USP2: variants seen among roughly 807,000 people sequenced by gnomAD.
The protein encoded by USP2 is ubiquitin carboxyl-terminal hydrolase 2.
In USP2, 33 loss-of-function variants were observed where a neutral mutation model predicts 72.0. The observed-to-expected ratio is 0.46, with a 90% CI of 0.35 to 0.61. The LOEUF is 0.61. Among genes scored for constraint, USP2 ranks in the 20% least tolerant of loss-of-function variants. The pLI, the probability that USP2 is intolerant of heterozygous loss-of-function variation, is 0.01. For synonymous variants in USP2, 296 were observed against 312.5 expected (o/e 0.95, Z 0.56); for missense variants, 691 against 797.8 (o/e 0.87, Z 1.61).
chr11:119,369,794 C>T (rs917002343), intron 2 of USP2, among the ~76,000 whole-genome samples: 25 of 152,146 alleles, frequency 1.6e-4, no homozygotes, highest in Admixed American at 1.4e-3. Context: ...TGGTCACGAG[C>T]AGCCCGTCCC....
intron 1 of USP2, chr11:119,379,328 C>A: frequency 2.1e-6 from 2 of 954,596 alleles, no homozygotes; most frequent in Non-Finnish European, 2.5e-6. Flanking sequence ...GGGGAACAAT[C>A]GGGAGATTCA....
chr11:119,372,724 G>C lies in USP2; in HGVS notation c.757C>G (p.Pro253Ala). 6.6e-7 allele frequency: 1 copy of C among 1,522,530 alleles called. No homozygotes were observed. 94.3% of individuals were successfully genotyped at this position (1,522,530 alleles called of 1,614,324 possible). A position where few individuals can be genotyped will look rare whatever the true frequency, so the allele number is the denominator to read the frequency against. The change falls in exon 2 of 13, where the codon CCG (proline) becomes GCG (alanine). Residue 253 changes from proline to alanine, a missense_variant. By Grantham distance (27) the Pro-to-Ala change is conservative. Transcript: ENST00000260187. ...QAPGPSRSSS[P>A]GRDGMNSKSA... ...AAACTCACCATGCCGTCTCTTCCCGGGGAGCTGGAGCGGCTGGGCCCAGGG... is the reference window on the plus strand; with the variant it reads ...AAACTCACCATGCCGTCTCTTCCCGCGGAGCTGGAGCGGCTGGGCCCAGGG...
chr11:119,358,620 C>G, intron 7 of USP2, 153 bp downstream of exon 7: 1 of 969,634 alleles, frequency 1.0e-6, no homozygotes, highest in Non-Finnish European at 1.6e-6. Context: ...CCGGCCTGCA[C>G]AGCATCTTCT....
intron 2 of USP2, among the ~76,000 whole-genome samples, chr11:119,367,694 T>C (rs1183354247): frequency 2.6e-5 from 4 of 152,198 alleles, no homozygotes; most frequent in African/African-American, 9.7e-5. Flanking sequence ...CCAGGCAGTC[T>C]GGCCTGAACC....
At position 119,372,828 on chromosome 11, in the gene USP2, G is replaced by T; in HGVS notation, c.653C>A (p.Ser218Ter). The change falls in exon 2 of 13, where the codon TCA (serine) becomes TAA (stop). Residue 218 changes from serine to a stop codon, truncating the protein, a stop_gained. Transcript: ENST00000260187. LOFTEE classifies it high-confidence loss of function. ...ASQVPSQAPPSRVPEIISPTY... is the reference protein window; with the variant it reads ...ASQVPSQAPP ...TGGGCTGATGATTTCAGGGACTCGT[G>T]AGGGAGGGGCCTGGGAGGGCACCTG... The T allele has an allele frequency of 6.2e-7, 1 of 1,608,196 alleles. No homozygotes were observed. The highest frequency in any genetic ancestry group is 1.7e-5 in the Admixed American group (1 of 59,376).
intron 10 of USP2, 23 bp from the exon 11 acceptor site, chr11:119,357,613 A>G (rs374005377): frequency 1.9e-6 from 3 of 1,614,148 alleles, no homozygotes; most frequent in Non-Finnish European, 2.5e-6. Context: ...TGAGTCAAGG[A>G]TAGTCAAACC....
chr11:119,366,692 C>T (rs1950857351), intron 2 of USP2, among the ~76,000 whole-genome samples: 1 of 152,162 alleles, frequency 6.6e-6, no homozygotes, highest in Non-Finnish European at 1.5e-5. Context: ...GGGAGTCACA[C>T]TAAGCCTCAG....
Position 119,357,844 on chromosome 11 carries a change from C to A in USP2, c.1423-9G>T. ...CGGCAGCGACAGCATGTCTGAGAGA[C>A]AAGACAAACAGAAAGAACTTGTGGG... On this transcript the variant is annotated splice_polypyrimidine_tract_variant and intron_variant, in intron 9 of 12. Coordinates refer to ENST00000260187, the MANE Select transcript of USP2 (RefSeq NM_004205.5). The A allele has an allele frequency of 6.2e-7, 1 of 1,604,742 alleles. No homozygotes were observed. Among genetic ancestry groups the A allele is most frequent in the Non-Finnish European group, 8.5e-7 (1 of 1,171,462 alleles).
chr11:119,358,791 C>T lies in USP2; in HGVS notation c.1219G>A (p.Glu407Lys). 6.2e-7 allele frequency: 1 copy of T among 1,614,108 alleles called. No homozygotes were observed. Among genetic ancestry groups the T allele is most frequent in the Non-Finnish European group, 8.5e-7 (1 of 1,180,036 alleles). The change falls in exon 7 of 13, where the codon GAA (glutamate) becomes AAA (lysine). Residue 407 changes from glutamate (E) to lysine (K), a missense_variant. Glu to Lys is a moderately conservative substitution (Grantham distance 56). Coordinates refer to ENST00000260187, the MANE Select transcript of USP2 (RefSeq NM_004205.5). The stretch of plus-strand genomic sequence containing the variant: ...CGCTTACCCCCGATCCTACTGTCTT[C>T]CCGTTCTAGATATTTTCTCCACATC... ...RQMWRKYLEREDSRIGDLFVG... is the reference protein window; with the variant it reads ...RQMWRKYLERKDSRIGDLFVG...
At chr11:119,376,152 C>T in intron 1 of USP2, 1 of 984,696 alleles carries the variant, frequency 1.0e-6, no homozygotes, top group South Asian at 4.7e-5. Context: ...CCGCAACCCC[C>T]AGTTTCACTC....
In USP2 at chr11:119,372,983, C is replaced by T. The variant is rs145848325; in HGVS notation, c.498G>A (p.Leu166=). The change falls in exon 2 of 13, where the codon CTG becomes CTA. Residue 166 remains leucine, a synonymous_variant. Transcript: ENST00000260187. The stretch of plus-strand genomic sequence containing the variant: ...TCCGGGCCAGCATGGGGCTGCGGCC[C>T]AGGTTCCTGGGGTCTATCCGGTAGC... ...SDSYRIDPRN[L]GRSPMLARTR... 1 of 1,613,864 alleles carries T rather than the reference C, an allele frequency of 6.2e-7. No homozygotes were observed. Among genetic ancestry groups the T allele is most frequent in the Non-Finnish European group, 8.5e-7 (1 of 1,180,028 alleles).
In USP2 at chr11:119,360,069, A is replaced by G. The variant is rs1950738636; in HGVS notation, c.825+115T>C. 3.0e-6 allele frequency: 4 copies of G among 1,313,888 alleles called. No individual in the cohort carries two copies. In the South Asian group the frequency reaches 5.2e-5, roughly 17 times the overall value. 81.4% of individuals were successfully genotyped at this position (1,313,888 alleles called of 1,614,324 possible). On this transcript the variant is annotated intron_variant, in intron 3 of 12. Transcript: ENST00000260187. The stretch of plus-strand genomic sequence containing the variant: ...ACACCAGCCAGGAAGGGCAAGTGCC[A>G]ACTGGCTGAACGGGTAGGGAGTCAG...
At chr11:119,379,034 TG>T in intron 1 of USP2, 1 of 985,510 alleles carries the variant, frequency 1.0e-6, no homozygotes, top group Non-Finnish European at 1.2e-6. Context: ...GGATGGGAGC[TG>T]GGGGCTTCTC....
intron 2 of USP2, among the ~76,000 whole-genome samples, chr11:119,370,800 A>G (rs1274062926): frequency 2.0e-5 from 3 of 152,166 alleles, no homozygotes; most frequent in Admixed American, 2.0e-4. Flanking sequence ...TCCCAGGGCA[A>G]TCTGCCACTT....
Position 119,373,440 on chromosome 11 carries a change from G to A in USP2, c.41C>T (p.Ser14Leu), listed in dbSNP as rs747403797. Residue 14 changes from serine to leucine, a missense_variant, in exon 2 of 13, where the codon TCG becomes TTG. Coordinates refer to ENST00000260187, the MANE Select transcript of USP2 (RefSeq NM_004205.5). ...LSSTLKRYTE[S>L]ARYTDAHYAK... is the part of the protein sequence containing the mutation. ...ATAGTGGGCATCTGTGTAGCGGGCC[G>A]ATTCTGTGTAGCGCTTCAGGGTGGA... 79 of 1,599,586 alleles carry A rather than the reference G, an allele frequency of 4.9e-5. No individual in the cohort carries two copies. Among genetic ancestry groups the A allele is most frequent in the Admixed American group, 6.7e-5 (4 of 59,890 alleles).
In USP2 at chr11:119,372,788, A is replaced by T; in HGVS notation, c.693T>A (p.Ile231=). The T allele has an allele frequency of 6.3e-7, 1 of 1,596,684 alleles. No homozygotes were observed. The highest frequency in any genetic ancestry group is 8.5e-7 in the Non-Finnish European group (1 of 1,172,390). Residue 231 remains isoleucine, a synonymous_variant, in exon 2 of 13, where the codon ATT becomes ATA. Transcript: ENST00000260187. ...PEIISPTYRP[I]GRYTLWETGK... is the part of the protein sequence containing the mutation. ...CCGTCTCCCACAGCGTGTAGCGGCC[A>T]ATGGGTCGGTAGGTTGGGCTGATGA... is the stretch of plus-strand genomic sequence containing the variant.
chr11:119,378,995 G>A, intron 1 of USP2: 1 of 985,454 alleles, frequency 1.0e-6, no homozygotes, highest in Non-Finnish European at 1.2e-6. Context: ...TACCAAAGGG[G>A]CAGCTACTGA....
intron 2 of USP2, among the ~76,000 whole-genome samples, chr11:119,363,631 A>AGG: frequency 6.6e-6 from 1 of 150,454 alleles, no homozygotes; most frequent in East Asian, 2.0e-4. Context: ...GGAGGGGGCA[A>AGG]GGGGGACTTC....
chr11:119,372,644 C>T (rs1950943813), intron 2 of USP2, 63 bp downstream of exon 2: 1 of 1,466,734 alleles, frequency 6.8e-7, no homozygotes, highest in Non-Finnish European at 9.0e-7. Flanking sequence ...AGCCCTCAGC[C>T]TGGCTGTTCT....
Sources: allele counts gnomAD v4.1 joint callset (sites outside exome capture counted in the v4.1 genomes callset), GRCh38; gene constraint gnomAD v4.1.1; transcripts MANE v1.5; gene names NCBI Gene and HGNC (gene_info 2026-07-23, HGNC 2026-07-21).